HDAC9: variants seen among roughly 807,000 people sequenced by gnomAD.
The protein encoded by HDAC9 is MEF-2 interacting transcription repressor (MITR) protein.
A neutral mutation model predicts 139.4 loss-of-function variants in HDAC9; 41 were observed. The ratio of observed to expected loss-of-function variants is 0.29; its 90% CI spans 0.23 to 0.38. The LOEUF (loss-of-function observed/expected upper bound fraction) is 0.38. Among genes scored for constraint, HDAC9 ranks in the 10% least tolerant of loss-of-function variants. The probability of loss-of-function intolerance (pLI) is 1.00; values close to 1 mark genes in which losing one functional copy is unlikely to be tolerated. For missense variants in HDAC9, 1,147 were observed against 1,297.0 expected (o/e 0.88, Z 1.78); for synonymous variants, 517 against 476.2 (o/e 1.09, Z -1.12).
At chr7:18,684,129 A>G (rs1782086339) in intron 12 of HDAC9, among the ~76,000 whole-genome samples, 1 of 151,576 alleles carries the variant, frequency 6.6e-6, no homozygotes, top group Admixed American at 6.6e-5. Flanking sequence ...GTGATGGTGC[A>G]TGCCTGTAGT....
At chr7:18,516,576 T>C (rs1803258074) in intron 2 of HDAC9, among the ~76,000 whole-genome samples, 1 of 152,066 alleles carries the variant, frequency 6.6e-6, no homozygotes, top group South Asian at 2.1e-4. Context: ...AGTAATATAT[T>C]AGGCTGGGTG....
intron 1 of HDAC9, among the ~76,000 whole-genome samples, chr7:18,141,028 A>C (rs543407493): frequency 1.3e-5 from 2 of 152,094 alleles, no homozygotes; most frequent in African/African-American, 2.4e-5. Flanking sequence ...CTATGAAAAC[A>C]AGCATCTTCA....
intron 12 of HDAC9, among the ~76,000 whole-genome samples, chr7:18,706,454 T>C (rs1783929063): frequency 6.6e-6 from 1 of 152,218 alleles, no homozygotes; most frequent in Non-Finnish European, 1.5e-5. Flanking sequence ...TAATTTTAAC[T>C]TTTTCCTAGC....
At chr7:18,459,195 G>T (rs1793621701) in intron 1 of HDAC9, among the ~76,000 whole-genome samples, 1 of 151,962 alleles carries the variant, frequency 6.6e-6, no homozygotes. Context: ...TTTATCTTAG[G>T]CCCCTGCATT....
intron 1 of HDAC9, among the ~76,000 whole-genome samples, chr7:18,088,658 A>G (rs1010280895): frequency 6.6e-6 from 1 of 152,118 alleles, no homozygotes; most frequent in Non-Finnish European, 1.5e-5. Flanking sequence ...CGTACTTTTG[A>G]TTTTTATTAT....
At chr7:18,991,655 A>AT (rs138681168) in intron 25 of HDAC9, among the ~76,000 whole-genome samples, 18 of 151,652 alleles carry the variant, frequency 1.2e-4, no homozygotes, top group Non-Finnish European at 2.4e-4. Context: ...AAAAAAAAAA[A>AT]GAAGTCATCA....
At chr7:18,467,993 T>G (rs767458240) in intron 1 of HDAC9, among the ~76,000 whole-genome samples, 6 of 152,162 alleles carry the variant, frequency 3.9e-5, no homozygotes, top group Admixed American at 3.9e-4. Context: ...TTTTTCTTCA[T>G]GGTTAGACTT....
chr7:18,283,869 A>G (rs1473010403), intron 2 of HDAC9, among the ~76,000 whole-genome samples: 1 of 152,236 alleles, frequency 6.6e-6, no homozygotes, highest in Non-Finnish European at 1.5e-5. Context: ...ATTTTTGGAA[A>G]GTATTAAAAA....
chr7:18,232,790 A>G (rs1793552216), intron 2 of HDAC9, among the ~76,000 whole-genome samples: 1 of 152,204 alleles, frequency 6.6e-6, no homozygotes, highest in African/African-American at 2.4e-5. Flanking sequence ...AGTTACTGTC[A>G]GCATTCTTAA....
intron 1 of HDAC9, among the ~76,000 whole-genome samples, chr7:18,093,565 G>T (rs896767375): frequency 6.6e-6 from 1 of 152,194 alleles, no homozygotes; most frequent in African/African-American, 2.4e-5. Context: ...TAAGAATGGG[G>T]AGTAGAGGCT....
chr7:18,304,499 A>T (rs1798783209), intron 1 of HDAC9, among the ~76,000 whole-genome samples: 1 of 152,190 alleles, frequency 6.6e-6, no homozygotes, highest in Non-Finnish European at 1.5e-5. Flanking sequence ...TTATAGGTAA[A>T]GTAATGTGGG....
chr7:18,786,277 TTTTAATA>T (rs1391789646), intron 16 of HDAC9, among the ~76,000 whole-genome samples: 1 of 152,122 alleles, frequency 6.6e-6, no homozygotes, highest in African/African-American at 2.4e-5. Flanking sequence ...AGTAGCTAAG[TTTTAATA>T]AATAGATGTA....
chr7:18,154,563 C>T (rs1787031538), intron 1 of HDAC9, among the ~76,000 whole-genome samples: 1 of 152,144 alleles, frequency 6.6e-6, no homozygotes, highest in Non-Finnish European at 1.5e-5. Context: ...TCACAATGAC[C>T]TCATAAGTTA....
At chr7:18,224,947 C>T (rs1181706628) in intron 2 of HDAC9, among the ~76,000 whole-genome samples, 1 of 151,952 alleles carries the variant, frequency 6.6e-6, no homozygotes, top group Non-Finnish European at 1.5e-5. Flanking sequence ...AGGGGCAAGA[C>T]AGTAGAAAAA....
intron 1 of HDAC9, among the ~76,000 whole-genome samples, chr7:18,335,745 A>G (rs1430497909): frequency 6.6e-6 from 1 of 151,580 alleles, no homozygotes. Flanking sequence ...CAGGATTATT[A>G]GCCCTGCTAT....
intron 2 of HDAC9, among the ~76,000 whole-genome samples, chr7:18,182,248 T>C (rs146140495): frequency 8.5e-5 from 13 of 152,318 alleles, no homozygotes; most frequent in African/African-American, 3.1e-4. Flanking sequence ...GTAAAATGTA[T>C]TTTATTTGAC....
chr7:18,603,649 C>T (rs750178668), intron 6 of HDAC9, among the ~76,000 whole-genome samples: 43 of 151,996 alleles, frequency 2.8e-4, no homozygotes, highest in Non-Finnish European at 4.4e-4. Context: ...CTACAATTAT[C>T]CAGTATTTTG....
chr7:18,942,704 T>C (rs749620557), intron 23 of HDAC9, among the ~76,000 whole-genome samples: 2 of 152,074 alleles, frequency 1.3e-5, no homozygotes, highest in Non-Finnish European at 1.5e-5. Context: ...TGAAAGCCAA[T>C]TGTGTGTATC....
Position 18,340,999 on chromosome 7 carries a change from CT to C in HDAC9, c.-42+50494del, listed in dbSNP as rs988496827. ...GGCTGGGTATAGAATCCCAAGTTGA[CT>C]TTTTTTTTTCTTTTAGTATTTTGAA... On this transcript the variant is annotated intron_variant, in intron 1 of 3. Transcript: ENST00000413509. Among the ~76,000 whole-genome samples the C allele has an allele frequency of 4.7e-3, 691 of 147,864 alleles. 5 individuals are homozygous for C. Among genetic ancestry groups the C allele is most frequent in the African/African-American group, 0.014 (569 of 40,528 alleles).
Sources: allele counts gnomAD v4.1 joint callset (sites outside exome capture counted in the v4.1 genomes callset), GRCh38; gene constraint gnomAD v4.1.1; transcripts MANE v1.5; gene names NCBI Gene and HGNC (gene_info 2026-07-23, HGNC 2026-07-21).